The following COMMD10 variants were observed in gnomAD, a reference collection of about 807,000 sequenced individuals.
COMMD10 encodes COMM domain-containing protein 10.
In COMMD10, 33 loss-of-function variants were observed where a neutral mutation model predicts 28.9. The ratio of observed to expected loss-of-function variants is 1.14; its 90% CI spans 0.87 to 1.53. COMMD10 has a LOEUF of 1.53. Ranked by LOEUF, COMMD10 falls within the 40% of genes most tolerant of loss-of-function variation. COMMD10 has a pLI of 0.00. For synonymous variants in COMMD10, 110 were observed against 81.7 expected, an observed-to-expected ratio of 1.35 and a Z score of -1.87; for missense variants, 310 against 233.4, an observed-to-expected ratio of 1.33 and a Z score of -2.14.
intron 5 of COMMD10, among the ~76,000 whole-genome samples, chr5:116,191,191 T>C (rs1748359679): frequency 6.6e-6 from 1 of 151,998 alleles, no homozygotes; most frequent in African/African-American, 2.4e-5. Context: ...ACCACAGGGA[T>C]CCATCAGGAG....
intron 5 of COMMD10, among the ~76,000 whole-genome samples, chr5:116,221,225 T>G (rs72804896): frequency 0.053 from 8,011 of 152,042 alleles, 292 homozygotes; most frequent in East Asian, 0.14. Context: ...TCTTCATGAT[T>G]TCATCTCCCT....
At chr5:116,105,495 C>T (rs188575180) in intron 4 of COMMD10, among the ~76,000 whole-genome samples, 1 of 152,138 alleles carries the variant, frequency 6.6e-6, no homozygotes, top group Non-Finnish European at 1.5e-5. Context: ...GAAGGATTCC[C>T]TCTTTTTCTG....
At chr5:116,124,309 C>A (rs931054252) in intron 4 of COMMD10, among the ~76,000 whole-genome samples, 3 of 152,122 alleles carry the variant, frequency 2.0e-5, no homozygotes, top group Non-Finnish European at 4.4e-5. Flanking sequence ...TTTATTTCTG[C>A]CTTCATTTCG....
At chr5:116,210,178 C>G (rs908119209) in intron 5 of COMMD10, among the ~76,000 whole-genome samples, 6 of 152,172 alleles carry the variant, frequency 3.9e-5, no homozygotes, top group African/African-American at 1.2e-4. Flanking sequence ...TCCACCTGAC[C>G]TAATCACCTC....
chr5:116,278,246 C>T (rs1750972461), intron 5 of COMMD10, among the ~76,000 whole-genome samples: 1 of 151,744 alleles, frequency 6.6e-6, no homozygotes, highest in Admixed American at 6.6e-5. Flanking sequence ...AACCTAGTTT[C>T]TCACTGTTAA....
chr5:116,151,876 A>G lies in COMMD10; in HGVS notation c.510+17698A>G, dbSNP rs186687537. Among the ~76,000 whole-genome samples, 5 of 152,030 alleles carry G rather than the reference A, an allele frequency of 3.3e-5. No homozygotes were observed. The East Asian group carries it at 9.7e-4, about 29-fold the overall frequency. On this transcript the variant is annotated intron_variant, in intron 5 of 6. Coordinates refer to ENST00000274458, the MANE Select transcript of COMMD10 (RefSeq NM_016144.4). Reference sequence around the variant, plus strand: ...TTTCCTTCAGTTCTGCTCTGATTTTAGTTATTTCTTGCCTTCTGCTAGCTT... The same window carrying G: ...TTTCCTTCAGTTCTGCTCTGATTTTGGTTATTTCTTGCCTTCTGCTAGCTT...
chr5:116,105,530 A>G (rs1750808395), intron 4 of COMMD10, among the ~76,000 whole-genome samples: 2 of 152,312 alleles, frequency 1.3e-5, no homozygotes, highest in Middle Eastern at 3.4e-3. Flanking sequence ...TTTAGAAGGA[A>G]TGGTACCAGC....
intron 5 of COMMD10, among the ~76,000 whole-genome samples, chr5:116,194,950 C>G (rs2112616623): frequency 6.6e-6 from 1 of 152,180 alleles, no homozygotes; most frequent in South Asian, 2.1e-4. Flanking sequence ...AACAACATAT[C>G]AAAAAGATAA....
At chr5:116,199,092 C>T (rs1748600168) in intron 5 of COMMD10, among the ~76,000 whole-genome samples, 1 of 152,098 alleles carries the variant, frequency 6.6e-6, no homozygotes, top group Admixed American at 6.6e-5. Flanking sequence ...AATGAGGGTT[C>T]TTGTTGCTCC....
chr5:116,097,341 TGTTA>T (rs1750502923), intron 4 of COMMD10, among the ~76,000 whole-genome samples: 1 of 152,220 alleles, frequency 6.6e-6, no homozygotes, highest in Non-Finnish European at 1.5e-5. Flanking sequence ...GTGGGTCAGA[TGTTA>T]TAATGAGTTC....
Position 116,134,157 on chromosome 5 carries a change from A to C in COMMD10, c.489A>C (p.Gly163=), listed in dbSNP as rs1347284837. Residue 163 remains glycine, a synonymous_variant, in exon 5 of 7, where the codon GGA becomes GGC. Coordinates refer to ENST00000274458, the MANE Select transcript of COMMD10 (RefSeq NM_016144.4). ...CTCCTCAAGCTGTGTTACAACTCGG[A>C]GTGAACAATGAAGATTCAAAGGTAA... ...LKSPQAVLQL[G]VNNEDSKSLE... 1 of 1,603,554 alleles carries C rather than the reference A, an allele frequency of 6.2e-7. No individual in the cohort carries two copies. The highest frequency in any genetic ancestry group is 1.1e-5 in the South Asian group (1 of 90,868).
At chr5:116,189,108 A>C (rs556842454) in intron 5 of COMMD10, among the ~76,000 whole-genome samples, 1 of 152,186 alleles carries the variant, frequency 6.6e-6, no homozygotes, top group African/African-American at 2.4e-5. Context: ...GTGGAAGCCA[A>C]AGTGGGGCAG....
At chr5:116,224,816 G>T (rs1749350865) in intron 5 of COMMD10, among the ~76,000 whole-genome samples, 1 of 152,128 alleles carries the variant, frequency 6.6e-6, no homozygotes, top group Admixed American at 6.5e-5. Flanking sequence ...ACTAAATTTT[G>T]TTGGCATTAC....
intron 5 of COMMD10, among the ~76,000 whole-genome samples, chr5:116,139,603 TC>T (rs546552104): frequency 2.0e-3 from 297 of 149,348 alleles, no homozygotes; most frequent in African/African-American, 7.2e-3. Flanking sequence ...CTTTTTTTTT[TC>T]ATTGAAGTAT....
At chr5:116,183,013 T>C (rs997705168) in intron 5 of COMMD10, among the ~76,000 whole-genome samples, 1 of 152,104 alleles carries the variant, frequency 6.6e-6, no homozygotes, top group Admixed American at 6.6e-5. Context: ...GATTGTAAGT[T>C]TCCTGAGGCC....
At position 116,182,314 on chromosome 5, in the gene COMMD10, TG is replaced by T; in HGVS notation, c.510+48137del. On this transcript the variant is annotated intron_variant, in intron 5 of 6. Transcript: ENST00000274458. ...TATGGATGGAAGGCAGGGAGGGAGG[TG>T]AAAGAGAAAGAGGAGAGAAATTAAG... Among the ~76,000 whole-genome samples the T allele has an allele frequency of 2.3e-5, 3 of 128,356 alleles. No homozygotes were observed. In the South Asian group the frequency reaches 6.6e-4, roughly 28 times the overall value. 84.2% of individuals were successfully genotyped at this position (128,356 alleles called of 152,430 possible).
chr5:116,169,285 A>G (rs746786618), intron 5 of COMMD10, among the ~76,000 whole-genome samples: 28 of 152,312 alleles, frequency 1.8e-4, no homozygotes, highest in Non-Finnish European at 3.4e-4. Context: ...ACACCTCCCA[A>G]GACTAAACCA....
intron 5 of COMMD10, among the ~76,000 whole-genome samples, chr5:116,235,601 A>G (rs1319361791): frequency 6.6e-6 from 1 of 152,280 alleles, no homozygotes; most frequent in South Asian, 2.1e-4. Context: ...TTGCTTTCAT[A>G]TTTAATAGAT....
intron 4 of COMMD10, among the ~76,000 whole-genome samples, chr5:116,120,853 G>T (rs1216259623): frequency 6.6e-6 from 1 of 151,498 alleles, no homozygotes. Context: ...CTAGGTTTTG[G>T]CTATTATGAA....
Sources: allele counts gnomAD v4.1 joint callset (sites outside exome capture counted in the v4.1 genomes callset), GRCh38; gene constraint gnomAD v4.1.1; transcripts MANE v1.5; gene names NCBI Gene and HGNC (gene_info 2026-07-23, HGNC 2026-07-21).